The following ACVR1B variants were observed in gnomAD, a reference collection of about 807,000 sequenced individuals.
ACVR1B encodes activin A receptor type 1B.
Under a neutral mutation model 55.6 loss-of-function variants are expected in ACVR1B, and 15 were observed. That is an observed-to-expected ratio of 0.27 (90% CI 0.18 to 0.42). The LOEUF (loss-of-function observed/expected upper bound fraction) is 0.42, where lower values mean the gene tolerates loss of function less well. Ranked by LOEUF, ACVR1B falls within the 10% of genes least tolerant of loss-of-function variation. ACVR1B has a pLI of 1.00. For missense variants in ACVR1B, 359 were observed against 670.1 expected (o/e 0.54, Z 5.13); for synonymous variants, 247 against 254.6 (o/e 0.97, Z 0.28).
In ACVR1B at chr12:51,963,466, G is replaced by A. The variant is rs191742181; in HGVS notation, c.91+11632G>A. The stretch of plus-strand genomic sequence containing the variant: ...TCACCGTGTTGGCCAGGCTGGTTTC[G>A]ACTGTAAGTGATCCACCCACCTCGG... On this transcript the variant is annotated intron_variant, in intron 1 of 8. Transcript: ENST00000257963. Among the ~76,000 whole-genome samples, 333 of 152,288 alleles carry A rather than the reference G, an allele frequency of 2.2e-3. 1 individual carries two copies. Among genetic ancestry groups the A allele is most frequent in the African/African-American group, 7.6e-3 (316 of 41,564 alleles).
Position 51,994,153 on chromosome 12 carries a change from CGCACA to C in ACVR1B, c.*46_*50del. On this transcript the variant is annotated 3_prime_UTR_variant, in exon 9 of 9. Transcript: ENST00000257963. This position sits in a 1 kb window ranked among gnomAD's most constrained non-coding sequence, Gnocchi z 4.2. ...ACGGAGCTCCTGGCAGCGAGAACTA[CGCACA>C]GCTGCCGCGTTGAGCGTACGATGGA... The C allele has an allele frequency of 6.2e-7, 1 of 1,605,948 alleles. No homozygotes were observed. The highest frequency in any genetic ancestry group is 1.3e-5 in the African/African-American group (1 of 75,020).
At chr12:51,976,682 G>C in intron 3 of ACVR1B, 107 bp downstream of exon 3, 1 of 1,406,464 alleles carries the variant, frequency 7.1e-7, no homozygotes, top group South Asian at 1.3e-5. Context: ...GTTTCTACCA[G>C]CATTGAGTCA....
intron 1 of ACVR1B, among the ~76,000 whole-genome samples, chr12:51,964,858 G>A (rs1592245719): frequency 6.6e-6 from 1 of 152,070 alleles, no homozygotes; most frequent in East Asian, 1.9e-4. Flanking sequence ...GATAACTGTA[G>A]CTTTGTTGTA....
intron 3 of ACVR1B, among the ~76,000 whole-genome samples, chr12:51,978,921 G>T (rs1941922462): frequency 6.6e-6 from 1 of 151,434 alleles, no homozygotes; most frequent in Admixed American, 6.6e-5. Flanking sequence ...CACATTTAAA[G>T]GAGTCTTGAG....
At chr12:51,974,009 G>A (rs1017760864) in intron 1 of ACVR1B, among the ~76,000 whole-genome samples, 5 of 152,352 alleles carry the variant, frequency 3.3e-5, no homozygotes, top group African/African-American at 1.2e-4. Context: ...GATAGACTGT[G>A]TACAGCCTAA....
chr12:51,989,858 G>T (rs904637061), intron 7 of ACVR1B, among the ~76,000 whole-genome samples: 2 of 152,010 alleles, frequency 1.3e-5, no homozygotes, highest in African/African-American at 4.8e-5. Flanking sequence ...GGTAGCGTAC[G>T]CCTGTAGTCC....
In ACVR1B at chr12:51,991,863, G is replaced by T; in HGVS notation, c.1262G>T (p.Gly421Val). 6.2e-7 allele frequency: 1 copy of T among 1,612,314 alleles called. No individual in the cohort carries two copies. The stretch of plus-strand genomic sequence containing the variant: ...AGGTAGATACTTTCTTTTCTCCCAG[G>T]AGTCCATGAAGAATATCAGCTGCCA... ...WEIARRCNSG[G>V]VHEEYQLPYY... is the part of the protein sequence containing the mutation. Residue 421 changes from glycine to valine, a missense_variant and splice_region_variant, in exon 8 of 9, where the codon GGA becomes GTA. Gly to Val is a moderately radical substitution (Grantham distance 109, BLOSUM62 -3). Transcript: ENST00000257963.
At chr12:51,980,756 T>C (rs1941962807) in intron 3 of ACVR1B, among the ~76,000 whole-genome samples, 1 of 152,120 alleles carries the variant, frequency 6.6e-6, no homozygotes, top group Non-Finnish European at 1.5e-5. Context: ...CGTTTCCTGT[T>C]TGTGTTCACT....
intron 8 of ACVR1B, 23 bp from the exon 9 acceptor site, chr12:51,993,962 A>G (rs1942246972): frequency 1.2e-6 from 2 of 1,613,050 alleles, no homozygotes; most frequent in African/African-American, 2.7e-5. Context: ...GACCGAGCTG[A>G]TGGCTCCTGG....
At chr12:51,974,890 T>G (rs1489908969) in intron 1 of ACVR1B, among the ~76,000 whole-genome samples, 1 of 152,148 alleles carries the variant, frequency 6.6e-6, no homozygotes, top group African/African-American at 2.4e-5. Context: ...TGGTTCCTGC[T>G]GGGGGAGATA....
In ACVR1B at chr12:51,994,232, C is replaced by A; in HGVS notation, c.*122C>A. The A allele has an allele frequency of 7.0e-7, 1 of 1,430,694 alleles. No individual in the cohort carries two copies. The highest frequency in any genetic ancestry group is 9.4e-7 in the Non-Finnish European group (1 of 1,060,834). The allele number at this position is 1,430,694 out of a possible 1,614,324, so 88.6% of individuals were successfully genotyped here. On this transcript the variant is annotated 3_prime_UTR_variant, in exon 9 of 9. Coordinates refer to ENST00000257963, the MANE Select transcript of ACVR1B (RefSeq NM_004302.5). This position sits in a 1 kb window ranked among gnomAD's most constrained non-coding sequence, Gnocchi z 4.2. ...GCCCTCTGTGGCCAGGAGCCCTGGCCCGCAAGAGGGACAGAGCCCGGGAGA... is the reference window on the plus strand; with the variant it reads ...GCCCTCTGTGGCCAGGAGCCCTGGCACGCAAGAGGGACAGAGCCCGGGAGA...
chr12:51,985,376 C>A, intron 6 of ACVR1B, 28 bp downstream of exon 6: 1 of 1,589,328 alleles, frequency 6.3e-7, no homozygotes, highest in Non-Finnish European at 8.6e-7. Flanking sequence ...TCTGCCCTTG[C>A]TAAGCAGCTT....
At chr12:51,990,032 A>C (rs1387267483) in intron 7 of ACVR1B, among the ~76,000 whole-genome samples, 2 of 151,762 alleles carry the variant, frequency 1.3e-5, no homozygotes, top group Admixed American at 1.3e-4. Context: ...GGTGGCTCGC[A>C]CCTGTAATCC....
chr12:51,974,580 G>T (rs886636124), intron 1 of ACVR1B, among the ~76,000 whole-genome samples: 21 of 152,142 alleles, frequency 1.4e-4, no homozygotes, highest in African/African-American at 5.1e-4. Context: ...CTTTCAGGAT[G>T]GGTTAAATGT....
chr12:51,983,310 T>C (rs1942014775), intron 4 of ACVR1B, among the ~76,000 whole-genome samples: 1 of 152,172 alleles, frequency 6.6e-6, no homozygotes, highest in South Asian at 2.1e-4. Flanking sequence ...GAAAATAAAG[T>C]GTATGCACTC....
At position 51,976,465 on chromosome 12, in the gene ACVR1B, A is replaced by G; in HGVS notation, c.470A>G (p.His157Arg). The change falls in exon 3 of 9, where the codon CAC becomes CGC. Residue 157 changes from histidine to arginine, a missense_variant. Physicochemically the swap from His to Arg is conservative, Grantham distance 29. Around this residue, in one of 5 missense-constraint regions of ACVR1B, gnomAD observed 133 missense variants for 188.2 expected, o/e 0.71. Coordinates refer to ENST00000257963, the MANE Select transcript of ACVR1B (RefSeq NM_004302.5). ...LVINYHQRVY[H>R]NRQRLDMEDP... Reference sequence around the variant, plus strand: ...ATTAACTATCATCAGCGTGTCTATCACAACCGCCAGAGACTGGACATGGAA... The same window carrying G: ...ATTAACTATCATCAGCGTGTCTATCGCAACCGCCAGAGACTGGACATGGAA... The G allele has an allele frequency of 6.2e-7, 1 of 1,614,104 alleles. No individual in the cohort carries two copies. The highest frequency in any genetic ancestry group is 8.5e-7 in the Non-Finnish European group (1 of 1,180,028).
chr12:51,953,394 G>A, intron 1 of ACVR1B: 1 of 985,468 alleles, frequency 1.0e-6, no homozygotes, highest in Non-Finnish European at 1.2e-6. Flanking sequence ...CTTCTCCTAA[G>A]CACCTCGTGT....
intron 3 of ACVR1B, 66 bp from the exon 4 acceptor site, chr12:51,980,903 A>G: frequency 7.3e-7 from 1 of 1,371,782 alleles, no homozygotes; most frequent in Non-Finnish European, 1.0e-6. Flanking sequence ...TGTGCCAATT[A>G]GTGTGGGAGT....
At chr12:51,952,786 A>G (rs1941328884) in intron 1 of ACVR1B, among the ~76,000 whole-genome samples, 1 of 151,448 alleles carries the variant, frequency 6.6e-6, no homozygotes, top group Non-Finnish European at 1.5e-5. Context: ...GTACTTATTT[A>G]CCTTCCTACA....
Sources: allele counts gnomAD v4.1 joint callset (sites outside exome capture counted in the v4.1 genomes callset), GRCh38; gene constraint gnomAD v4.1.1; regional missense constraint gnomAD v4.1.1; non-coding constraint Gnocchi (gnomAD v3.1); transcripts MANE v1.5; gene names NCBI Gene and HGNC (gene_info 2026-07-23, HGNC 2026-07-21).